Variants in HACD3 observed in about 807,000 individuals in gnomAD.
The protein encoded by HACD3 is 3-hydroxyacyl-CoA dehydratase 3.
HACD3 carries 30 observed loss-of-function variants against 55.2 expected under a neutral mutation model. The observed-to-expected ratio is 0.54, with a 90% CI of 0.41 to 0.74. HACD3 has a LOEUF of 0.74. Ranked by LOEUF, HACD3 falls within the 30% of genes least tolerant of loss-of-function variation. The pLI, the probability that HACD3 is intolerant of heterozygous loss-of-function variation, is 0.00. For missense variants in HACD3, 363 were observed against 440.1 expected, an observed-to-expected ratio of 0.82 and a Z score of 1.57; for synonymous variants, 141 against 151.7, an observed-to-expected ratio of 0.93 and a Z score of 0.52.
intron 1 of HACD3, chr15:65,535,865 A>C: frequency 1.7e-6 from 1 of 576,028 alleles, no homozygotes; most frequent in East Asian, 3.0e-5. Context: ...CAATTTTTTA[A>C]TTTTTTTAGA....
At chr15:65,535,194 G>A (rs2071942630) in intron 1 of HACD3, among the ~76,000 whole-genome samples, 1 of 152,182 alleles carries the variant, frequency 6.6e-6, no homozygotes, top group African/African-American at 2.4e-5. Context: ...ATATTGGAAA[G>A]GGGGAGAATG....
At chr15:65,544,507 A>G (rs2072054301) in intron 1 of HACD3, among the ~76,000 whole-genome samples, 1 of 152,212 alleles carries the variant, frequency 6.6e-6, no homozygotes, top group Non-Finnish European at 1.5e-5. Context: ...ATTGGGGGAA[A>G]CTAGGAAAAG....
chr15:65,537,958 A>AAT (rs755882094), intron 1 of HACD3, among the ~76,000 whole-genome samples: 22 of 11,158 alleles, frequency 2.0e-3, no homozygotes, highest in African/African-American at 6.0e-3. Flanking sequence ...AAAAAAAAAA[A>AAT]ATATATATAT....
chr15:65,543,143 G>A (rs673301), intron 1 of HACD3, among the ~76,000 whole-genome samples: 142,360 of 151,526 alleles, frequency 0.94, 66,881 homozygotes, highest in Admixed American at 0.96. Context: ...ACCTAACTGT[G>A]TATCAAATTG....
chr15:65,538,955 T>C (rs1241442112), intron 1 of HACD3, among the ~76,000 whole-genome samples: 1 of 152,244 alleles, frequency 6.6e-6, no homozygotes, highest in Non-Finnish European at 1.5e-5. Flanking sequence ...CACTGTTTTT[T>C]AGAATAATAC....
chr15:65,569,621 T>C (rs1365178655), intron 7 of HACD3, among the ~76,000 whole-genome samples: 2 of 152,052 alleles, frequency 1.3e-5, no homozygotes, highest in South Asian at 2.1e-4. Flanking sequence ...AGTGGGAGGA[T>C]TGCTTGAGCC....
intron 1 of HACD3, among the ~76,000 whole-genome samples, chr15:65,547,662 A>G (rs903820941): frequency 1.3e-5 from 2 of 152,224 alleles, no homozygotes; most frequent in African/African-American, 4.8e-5. Flanking sequence ...CAGGCTTGCT[A>G]TATTAACTCT....
At chr15:65,537,203 AAAGTGC>A (rs1230269298) in intron 1 of HACD3, among the ~76,000 whole-genome samples, 6 of 152,208 alleles carry the variant, frequency 3.9e-5, no homozygotes, top group Non-Finnish European at 8.8e-5. Context: ...CCATAACATA[AAAGTGC>A]AAGGTGAAGC....
rs1285128470 is a variant in HACD3 at position 65,577,017 on chromosome 15, T to C, written c.*638T>C. Reference sequence around the variant, plus strand: ...GGGCATTGAAGAGGCGCAGAATGCTTTGAAAGAAACTAATCAGAATCTTGG... The same window carrying C: ...GGGCATTGAAGAGGCGCAGAATGCTCTGAAAGAAACTAATCAGAATCTTGG... On this transcript the variant is annotated 3_prime_UTR_variant, in exon 11 of 11. Coordinates refer to ENST00000261875, the MANE Select transcript of HACD3 (RefSeq NM_016395.4). The C allele has an allele frequency of 6.6e-6, 1 of 152,202 alleles. No individual in the cohort carries two copies. The highest frequency in any genetic ancestry group is 1.9e-4 in the East Asian group (1 of 5,208). 9.4% of individuals were successfully genotyped at this position (152,202 alleles called of 1,614,324 possible).
intron 10 of HACD3, 108 bp downstream of exon 10, chr15:65,572,474 T>A: frequency 7.8e-7 from 1 of 1,285,792 alleles, no homozygotes; most frequent in South Asian, 1.6e-5. Context: ...TGGGACAGAA[T>A]TAGAGAATGA....
chr15:65,531,207 T>TG (rs2071894791), intron 1 of HACD3: 3 of 1,956 alleles, frequency 1.5e-3, no homozygotes, highest in African/African-American at 2.0e-3. Flanking sequence ...CTGCCGGAGG[T>TG]GGGGGAGGGG....
intron 3 of HACD3, among the ~76,000 whole-genome samples, chr15:65,555,384 G>T (rs2072179198): frequency 6.6e-6 from 1 of 152,190 alleles, no homozygotes; most frequent in Non-Finnish European, 1.5e-5. Context: ...ACAGTTGCAG[G>T]TGAGAAAAAT....
intron 2 of HACD3, among the ~76,000 whole-genome samples, chr15:65,554,199 A>C (rs1236948121): frequency 6.6e-6 from 1 of 152,182 alleles, no homozygotes; most frequent in African/African-American, 2.4e-5. Context: ...TTTAGAGCCA[A>C]AGTAATTGTG....
At chr15:65,552,874 G>T (rs2072149280) in intron 2 of HACD3, among the ~76,000 whole-genome samples, 1 of 149,826 alleles carries the variant, frequency 6.7e-6, no homozygotes, top group Non-Finnish European at 1.5e-5. Context: ...CCCAGAGTGT[G>T]ATATTCCCCT....
intron 10 of HACD3, among the ~76,000 whole-genome samples, chr15:65,575,274 A>G (rs909794589): frequency 1.3e-5 from 2 of 149,236 alleles, no homozygotes; most frequent in Admixed American, 1.3e-4. Flanking sequence ...TGCAACCTCC[A>G]CCTCCTGGGT....
chr15:65,538,545 A>G (rs2071986754), intron 1 of HACD3, among the ~76,000 whole-genome samples: 1 of 152,210 alleles, frequency 6.6e-6, no homozygotes, highest in African/African-American at 2.4e-5. Context: ...ATTGAGATGG[A>G]ATCTATTTCT....
rs1255087009 is a variant in HACD3 at position 65,572,235 on chromosome 15, C to T, written c.881C>T (p.Ala294Val). 1 of 1,611,682 alleles carries T rather than the reference C, an allele frequency of 6.2e-7. No individual in the cohort carries two copies. The highest frequency in any genetic ancestry group is 8.5e-7 in the Non-Finnish European group (1 of 1,179,464). Residue 294 changes from alanine to valine, a missense_variant and splice_region_variant, in exon 10 of 11, where the codon GCT becomes GTT. Ala to Val is a moderately conservative substitution (Grantham distance 64). Transcript: ENST00000261875. ...PLYPLGCLAE[A>V]VSVIQSIPIF... ...AACAAGTTCTTGTTTCTGTTTTCAG[C>T]TGTCTCAGTGATTCAGTCCATTCCA...
chr15:65,563,680 T>G (rs1567338669), intron 6 of HACD3, among the ~76,000 whole-genome samples: 1 of 151,706 alleles, frequency 6.6e-6, no homozygotes, highest in Non-Finnish European at 1.5e-5. Flanking sequence ...TAAAAAAATT[T>G]AGAAAGGTGG....
intron 3 of HACD3, among the ~76,000 whole-genome samples, chr15:65,555,887 C>A (rs1005286589): frequency 2.6e-5 from 4 of 152,118 alleles, no homozygotes; most frequent in Non-Finnish European, 4.4e-5. Context: ...GGATGCAGTA[C>A]CCTTGAGAGG....
Sources: gnomAD v4.1 joint callset for allele counts (sites outside exome capture counted in the v4.1 genomes callset) on GRCh38, gnomAD v4.1.1 for gene constraint, MANE v1.5 for transcripts, NCBI Gene and HGNC (gene_info 2026-07-23, HGNC 2026-07-21) for gene names.